CDH8: variants seen among roughly 807,000 people sequenced by gnomAD.
The protein encoded by CDH8 is cadherin-8.
A neutral mutation model predicts 68.1 loss-of-function variants in CDH8; 17 were observed. The ratio of observed to expected loss-of-function variants is 0.25; its 90% CI spans 0.17 to 0.37. CDH8 has a LOEUF of 0.37. CDH8 is among the 10% of genes least tolerant of loss of function. CDH8 has a pLI of 1.00. For synonymous variants in CDH8, 372 were observed against 365.1 expected, an observed-to-expected ratio of 1.02 and a Z score of -0.21; for missense variants, 763 against 999.3, an observed-to-expected ratio of 0.76 and a Z score of 3.19.
chr16:61,878,572 G>T (rs1206628428), intron 3 of CDH8, among the ~76,000 whole-genome samples: 1 of 152,088 alleles, frequency 6.6e-6, no homozygotes, highest in Non-Finnish European at 1.5e-5. Context: ...AGATGAAACT[G>T]CCCAGTGTAG....
intron 2 of CDH8, among the ~76,000 whole-genome samples, chr16:61,986,564 C>T (rs944647908): frequency 2.6e-5 from 4 of 152,148 alleles, no homozygotes; most frequent in Admixed American, 6.5e-5. Context: ...ACAGTGTTGT[C>T]TAAGCCATCC....
chr16:61,815,941 AAATT>A (rs754844883), intron 7 of CDH8, among the ~76,000 whole-genome samples: 1 of 152,148 alleles, frequency 6.6e-6, no homozygotes, highest in South Asian at 2.1e-4. Flanking sequence ...TATTTTCCGG[AAATT>A]AATGCCAATG....
At chr16:61,694,005 G>T (rs1964281243) in intron 10 of CDH8, among the ~76,000 whole-genome samples, 1 of 152,030 alleles carries the variant, frequency 6.6e-6, no homozygotes, top group Non-Finnish European at 1.5e-5. Context: ...TTTATGATAG[G>T]CATTACTAAC....
chr16:61,820,860 C>A, intron 6 of CDH8, 66 bp downstream of exon 6: 4 of 1,395,616 alleles, frequency 2.9e-6, no homozygotes, highest in Non-Finnish European at 4.0e-6. Flanking sequence ...CACACAAGTC[C>A]CTCAACTTTA....
intron 2 of CDH8, among the ~76,000 whole-genome samples, chr16:61,957,905 T>G (rs72800815): frequency 0.01 from 1,582 of 152,254 alleles, 24 homozygotes; most frequent in South Asian, 0.018. Flanking sequence ...TAGTGCAGGG[T>G]CTGCTTTAGA....
intron 10 of CDH8, among the ~76,000 whole-genome samples, chr16:61,657,228 A>G (rs1008145218): frequency 2.0e-5 from 3 of 152,120 alleles, no homozygotes; most frequent in African/African-American, 7.2e-5. Context: ...GATGACTTCA[A>G]ATAAGTTTTG....
intron 3 of CDH8, among the ~76,000 whole-genome samples, chr16:61,879,457 T>G (rs1471757943): frequency 6.6e-6 from 1 of 152,180 alleles, no homozygotes; most frequent in Non-Finnish European, 1.5e-5. Flanking sequence ...TGGAAGGCAA[T>G]GCAGATCCGG....
At position 61,652,493 on chromosome 16, in the gene CDH8, T is replaced by C; in HGVS notation, c.*1115A>G. On this transcript the variant is annotated 3_prime_UTR_variant, in exon 12 of 12. Transcript: ENST00000577390. ...ACAAAATAGAAAACAGTCCAAAAGT[T>C]TGTCTGGGAAGATGCTGTTCCTGCC... The C allele has an allele frequency of 1.0e-6, 1 of 998,858 alleles. No homozygotes were observed. The highest frequency in any genetic ancestry group is 1.2e-6 in the Non-Finnish European group (1 of 838,990). 61.9% of individuals were successfully genotyped at this position (998,858 alleles called of 1,614,324 possible).
chr16:61,947,169 T>TTATTGTAGAC, intron 2 of CDH8, among the ~76,000 whole-genome samples: 1 of 151,938 alleles, frequency 6.6e-6, no homozygotes, highest in South Asian at 2.1e-4. Flanking sequence ...TATACATGAA[T>TTATTGTAGAC]ATTATTTCTA....
At chr16:61,721,655 G>GAA (rs59686570) in intron 9 of CDH8, among the ~76,000 whole-genome samples, 10 of 149,822 alleles carry the variant, frequency 6.7e-5, no homozygotes, top group African/African-American at 1.7e-4. Context: ...GTTTTCTTTT[G>GAA]AAAAAAAATG....
rs202204305 is a variant in CDH8 at position 61,960,015 on chromosome 16, T to C, written c.253-58542A>G. Among the ~76,000 whole-genome samples the C allele has an allele frequency of 5.2e-3, 378 of 73,206 alleles. 31 individuals carry two copies. Among genetic ancestry groups the C allele is most frequent in the African/African-American group, 0.027 (261 of 9,618 alleles). 48.0% of individuals were successfully genotyped at this position (73,206 alleles called of 152,430 possible). A position where few individuals can be genotyped will look rare whatever the true frequency, so the allele number is the denominator to read the frequency against. On this transcript the variant is annotated intron_variant, in intron 2 of 11. Coordinates refer to ENST00000577390, the MANE Select transcript of CDH8 (RefSeq NM_001796.5). The stretch of plus-strand genomic sequence containing the variant: ...ATATATATATATATATATATATATA[T>C]ACACACATACACACACACACACAAC...
chr16:62,005,459 C>T (rs565427035), intron 2 of CDH8, among the ~76,000 whole-genome samples: 3 of 148,606 alleles, frequency 2.0e-5, no homozygotes, highest in Non-Finnish European at 4.5e-5. Flanking sequence ...CCAGGGAGGC[C>T]GGGTGCTGTG....
intron 2 of CDH8, among the ~76,000 whole-genome samples, chr16:62,020,446 C>T (rs985259084): frequency 1.3e-5 from 2 of 151,960 alleles, no homozygotes; most frequent in Non-Finnish European, 2.9e-5. Context: ...GTCTAACCTG[C>T]CAACAACAGC....
At chr16:61,970,732 G>A (rs969248485) in intron 2 of CDH8, among the ~76,000 whole-genome samples, 1 of 152,146 alleles carries the variant, frequency 6.6e-6, no homozygotes, top group Non-Finnish European at 1.5e-5. Flanking sequence ...CCGTCTCCCT[G>A]GAGATAGCAT....
chr16:62,012,405 A>G (rs1901834910), intron 2 of CDH8, among the ~76,000 whole-genome samples: 2 of 152,170 alleles, frequency 1.3e-5, no homozygotes, highest in African/African-American at 4.8e-5. Flanking sequence ...TTCTCTCTTC[A>G]CGGTTTCATA....
intron 3 of CDH8, among the ~76,000 whole-genome samples, chr16:61,862,426 T>G (rs1462442936): frequency 7.9e-5 from 12 of 152,198 alleles, no homozygotes; most frequent in Non-Finnish European, 1.5e-4. Flanking sequence ...ACTACTGGGC[T>G]GGGGACTGCA....
intron 8 of CDH8, among the ~76,000 whole-genome samples, chr16:61,778,518 C>A (rs546167319): frequency 6.6e-6 from 1 of 152,118 alleles, no homozygotes; most frequent in Admixed American, 6.6e-5. Context: ...GGGTAACAGA[C>A]AAAAAATTAA....
At chr16:61,869,621 C>A (rs1347005724) in intron 3 of CDH8, among the ~76,000 whole-genome samples, 1 of 152,074 alleles carries the variant, frequency 6.6e-6, no homozygotes, top group Non-Finnish European at 1.5e-5. Context: ...ACTCAAAGTG[C>A]ACAAATCTAT....
chr16:61,656,116 C>T (rs1963443117), intron 10 of CDH8, among the ~76,000 whole-genome samples: 1 of 152,138 alleles, frequency 6.6e-6, no homozygotes, highest in African/African-American at 2.4e-5. Context: ...TCGTGATCCA[C>T]CCGCCTAGGC....
Sources: allele counts gnomAD v4.1 joint callset (sites outside exome capture counted in the v4.1 genomes callset), GRCh38; gene constraint gnomAD v4.1.1; transcripts MANE v1.5; gene names NCBI Gene and HGNC (gene_info 2026-07-23, HGNC 2026-07-21).